Variants in CTRB1 observed in about 807,000 individuals in gnomAD.
The protein encoded by CTRB1 is chymotrypsinogen B.
CTRB1 carries 15 observed loss-of-function variants against 20.4 expected under a neutral mutation model. The observed-to-expected ratio is 0.74, with a 90% CI of 0.49 to 1.13. The LOEUF (loss-of-function observed/expected upper bound fraction) is 1.13, where lower values mean the gene tolerates loss of function less well. Among genes scored for constraint, CTRB1 ranks in the 50% most tolerant of loss-of-function variants. The probability of loss-of-function intolerance (pLI) is 0.00; values close to 1 mark genes in which losing one functional copy is unlikely to be tolerated. For synonymous variants in CTRB1, 92 were observed against 128.4 expected (o/e 0.72, Z 1.92); for missense variants, 227 against 290.1 (o/e 0.78, Z 1.58).
chr16:75,222,602 G>A (rs369217858), intron 1 of CTRB1, 166 bp from the exon 2 acceptor site: 8 of 708,956 alleles, frequency 1.1e-5, no homozygotes, highest in Admixed American at 3.0e-5. Context: ...AGTTGGGAAC[G>A]TTTGAGCCTA....
chr16:75,222,609 C>T, intron 1 of CTRB1, 159 bp from the exon 2 acceptor site: 1 of 740,432 alleles, frequency 1.4e-6, no homozygotes, highest in Admixed American at 2.9e-5. Context: ...AACGTTTGAG[C>T]CTAGAGACTT....
intron 1 of CTRB1, among the ~76,000 whole-genome samples, chr16:75,219,732 G>T (rs141091112): frequency 8.6e-4 from 131 of 152,278 alleles, no homozygotes; most frequent in Admixed American, 1.3e-3. Context: ...ATACAGAAAA[G>T]AATATGACAT....
chr16:75,221,319 A>G (rs8051363), intron 1 of CTRB1, among the ~76,000 whole-genome samples: 116,740 of 152,154 alleles, frequency 0.77, 45,117 homozygotes, highest in East Asian at 0.97. Flanking sequence ...TTCTGCTTCC[A>G]ATGTGCCATT....
chr16:75,221,879 G>A (rs1466736420), intron 1 of CTRB1, among the ~76,000 whole-genome samples: 2 of 151,406 alleles, frequency 1.3e-5, no homozygotes, highest in Admixed American at 6.6e-5. Context: ...TGGCTAACAC[G>A]GTGAAACCCC....
rs559579342 is a variant in CTRB1 at position 75,220,965 on chromosome 16, C to T, written c.53-1803C>T. Among the ~76,000 whole-genome samples, 95 of 152,172 alleles carry T rather than the reference C, an allele frequency of 6.2e-4. 1 individual carries two copies. Among genetic ancestry groups the T allele is most frequent in the South Asian group, 6.0e-3 (29 of 4,814 alleles). On this transcript the variant is annotated intron_variant, in intron 1 of 6. Coordinates refer to ENST00000361017, the MANE Select transcript of CTRB1 (RefSeq NM_001906.6). ...TAGAGACAGGGTTTCATCATATTGG[C>T]CAGGCTGGTCTTGAACTCCTGACCT...
Position 75,224,738 on chromosome 16 carries a change from G to A in CTRB1, c.664G>A (p.Asp222Asn). 6.2e-7 allele frequency: 1 copy of A among 1,613,336 alleles called. No homozygotes were observed. The highest frequency in any genetic ancestry group is 8.5e-7 in the Non-Finnish European group (1 of 1,179,874). ...DSGGPLVCQK[D>N]GAWTLVGIVS... is the part of the protein sequence containing the mutation. ...TGGCGGCCCCCTGGTCTGCCAAAAGGATGGAGCCTGGACCCTGGTGGGCAT... is the reference window on the plus strand; with the variant it reads ...TGGCGGCCCCCTGGTCTGCCAAAAGAATGGAGCCTGGACCCTGGTGGGCAT... Residue 222 changes from aspartate to asparagine, a missense_variant, in exon 7 of 7, where the codon GAT becomes AAT. By Grantham distance (23) the Asp-to-Asn change is conservative. Transcript: ENST00000361017.
rs562332389 is a variant in CTRB1 at position 75,222,608 on chromosome 16, G to A, written c.53-160G>A. ...CAGGCCGAGAGTTGGGAACGTTTGA[G>A]CCTAGAGACTTGGGGACCAGGGAGG... On this transcript the variant is annotated intron_variant, in intron 1 of 6. Transcript: ENST00000361017. 5.4e-6 allele frequency: 4 copies of A among 735,038 alleles called. No homozygotes were observed. In the Admixed American group the frequency reaches 8.8e-5, roughly 16 times the overall value. The allele number at this position is 735,038 out of a possible 1,614,324, so 45.5% of individuals were successfully genotyped here. A position where few individuals can be genotyped will look rare whatever the true frequency, so the allele number is the denominator to read the frequency against.
chr16:75,221,747 A>C (rs1439074967), intron 1 of CTRB1, among the ~76,000 whole-genome samples: 2 of 151,700 alleles, frequency 1.3e-5, no homozygotes, highest in African/African-American at 4.8e-5. Context: ...TCAAGGCAAT[A>C]GGATTGCTTC....
At chr16:75,219,819 G>T (rs1485056495) in intron 1 of CTRB1, among the ~76,000 whole-genome samples, 1 of 152,186 alleles carries the variant, frequency 6.6e-6, no homozygotes, top group Non-Finnish European at 1.5e-5. Context: ...ATTGTACTCA[G>T]GCTTCCCTTT....
At chr16:75,220,470 C>G (rs902438450) in intron 1 of CTRB1, among the ~76,000 whole-genome samples, 1 of 152,192 alleles carries the variant, frequency 6.6e-6, no homozygotes, top group East Asian at 1.9e-4. Flanking sequence ...AGGCGTGAGC[C>G]CCCATGCCCG....
chr16:75,222,186 C>G (rs375137194), intron 1 of CTRB1, among the ~76,000 whole-genome samples: 10 of 149,708 alleles, frequency 6.7e-5, no homozygotes, highest in South Asian at 2.1e-4. Context: ...GAAACCCAAA[C>G]TTTACACAAT....
intron 1 of CTRB1, among the ~76,000 whole-genome samples, chr16:75,219,963 G>A (rs923197635): frequency 2.6e-5 from 4 of 152,122 alleles, no homozygotes; most frequent in African/African-American, 9.7e-5. Flanking sequence ...TACATCAATG[G>A]AACGGTATTC....
At chr16:75,222,353 A>G (rs8057145) in intron 1 of CTRB1, among the ~76,000 whole-genome samples, 133,688 of 152,168 alleles carry the variant, frequency 0.88, 59,186 homozygotes, top group East Asian at 1. Flanking sequence ...TAACAAAGGC[A>G]CGTGGGCCAG....
Position 75,219,075 on chromosome 16 carries a change from C to T in CTRB1, c.52+16C>T, listed in dbSNP as rs752904118. The T allele has an allele frequency of 1.3e-5, 21 of 1,580,612 alleles. No homozygotes were observed. The highest frequency in any genetic ancestry group is 4.0e-5 in the African/African-American group (3 of 74,504). On this transcript the variant is annotated intron_variant, in intron 1 of 6. Coordinates refer to ENST00000361017, the MANE Select transcript of CTRB1 (RefSeq NM_001906.6). ...GCCGCCTTTGGTGAGTGCTGGTGCCCGAGGGGTCTGTCCTGAGGGAGCCCT... is the reference window on the plus strand; with the variant it reads ...GCCGCCTTTGGTGAGTGCTGGTGCCTGAGGGGTCTGTCCTGAGGGAGCCCT...
At position 75,222,927 on chromosome 16, in the gene CTRB1, C is replaced by T. The variant is rs201853088; in HGVS notation, c.157-42C>T. The T allele has an allele frequency of 0.013, 16,071 of 1,270,990 alleles. 738 individuals are homozygous for T. The East Asian group carries it at 0.2, about 16-fold the overall frequency. The allele number at this position is 1,270,990 out of a possible 1,614,324, so 78.7% of individuals were successfully genotyped here. A position where few individuals can be genotyped will look rare whatever the true frequency, so the allele number is the denominator to read the frequency against. On this transcript the variant is annotated intron_variant, in intron 2 of 6. Coordinates refer to ENST00000361017, the MANE Select transcript of CTRB1 (RefSeq NM_001906.6). ...CTGGGTAGGGGCCAGGCTGGGGGTG[C>T]CCCCGGGTGGGAGGTGCTGACCCTC...
chr16:75,224,638 T>C, intron 6 of CTRB1, 67 bp from the exon 7 acceptor site: 1 of 1,518,246 alleles, frequency 6.6e-7, no homozygotes, highest in East Asian at 2.3e-5. Context: ...GGGAACAATG[T>C]CCAGTGGCCC....
intron 1 of CTRB1, 189 bp from the exon 2 acceptor site, chr16:75,222,579 C>A: frequency 1.6e-6 from 1 of 625,326 alleles, no homozygotes; most frequent in Non-Finnish European, 2.7e-6. Flanking sequence ...ATGACTGGAG[C>A]CAGCAGGCCG....
chr16:75,221,204 C>T (rs1597129649), intron 1 of CTRB1, among the ~76,000 whole-genome samples: 1 of 152,190 alleles, frequency 6.6e-6, no homozygotes, highest in East Asian at 1.9e-4. Flanking sequence ...ATGTAAAGCC[C>T]AGTTTGTTGG....
intron 1 of CTRB1, among the ~76,000 whole-genome samples, chr16:75,221,122 G>C (rs1217050813): frequency 1.3e-5 from 2 of 152,164 alleles, no homozygotes; most frequent in Non-Finnish European, 2.9e-5. Flanking sequence ...GGAGACGCAG[G>C]GGCTGCCTTG....
Sources: allele counts gnomAD v4.1 joint callset (sites outside exome capture counted in the v4.1 genomes callset), GRCh38; gene constraint gnomAD v4.1.1; transcripts MANE v1.5; gene names NCBI Gene and HGNC (gene_info 2026-07-23, HGNC 2026-07-21).